The following TSGA10 variants were observed in gnomAD, a reference collection of about 807,000 sequenced individuals.
TSGA10 encodes testis specific 10, also known as testis-specific gene 10 protein.
TSGA10 carries 43 observed loss-of-function variants against 96.6 expected under a neutral mutation model. The ratio of observed to expected loss-of-function variants is 0.44; its 90% CI spans 0.35 to 0.57. The LOEUF (loss-of-function observed/expected upper bound fraction) is 0.57, where lower values mean the gene tolerates loss of function less well. Among genes scored for constraint, TSGA10 ranks in the 20% least tolerant of loss-of-function variants. The pLI, the probability that TSGA10 is intolerant of heterozygous loss-of-function variation, is 0.01. For synonymous variants in TSGA10, 229 were observed against 269.9 expected (o/e 0.85, Z 1.48); for missense variants, 703 against 834.4 (o/e 0.84, Z 1.94).
At chr2:99,081,959 C>T (rs1303209752) in intron 10 of TSGA10, among the ~76,000 whole-genome samples, 2 of 151,894 alleles carry the variant, frequency 1.3e-5, no homozygotes, top group East Asian at 3.9e-4. Context: ...TCCTTAACTA[C>T]CTAGCCTTGT....
At chr2:99,118,388 T>C (rs544977544) in intron 3 of TSGA10, among the ~76,000 whole-genome samples, 163 bp downstream of exon 3, 265 of 149,254 alleles carry the variant, frequency 1.8e-3, no homozygotes, top group Non-Finnish European at 2.9e-3. Flanking sequence ...GAGGCAGAGA[T>C]TGCACTGAGC....
chr2:99,045,444 A>G (rs1339414941), intron 16 of TSGA10, among the ~76,000 whole-genome samples: 1 of 152,238 alleles, frequency 6.6e-6, no homozygotes, highest in Non-Finnish European at 1.5e-5. Context: ...TTCTTAAAGA[A>G]AAGAATTTTC....
Position 99,098,451 on chromosome 2 carries a change from A to AAAAAG in TSGA10, c.611+5511_611+5515dup, listed in dbSNP as rs978448451. On this transcript the variant is annotated intron_variant, in intron 10 of 20. Coordinates refer to ENST00000393483, the MANE Select transcript of TSGA10 (RefSeq NM_025244.4). Reference sequence around the variant, plus strand: ...GAGACTCTGCCTCAAAAAAAAAAAAAAAAAGAAAAGAAAAGAAAAGAAAAA... The same window carrying AAAAAG: ...GAGACTCTGCCTCAAAAAAAAAAAAAAAAAGAAAAGAAAAGAAAAGAAAAGAAAAA... Among the ~76,000 whole-genome samples the AAAAAG allele has an allele frequency of 7.9e-3, 1,006 of 127,728 alleles. 1 individual carries two copies. Among genetic ancestry groups the AAAAAG allele is most frequent in the East Asian group, 0.017 (65 of 3,742 alleles). The allele number at this position is 127,728 out of a possible 152,430, so 83.8% of individuals were successfully genotyped here.
chr2:99,137,430 G>C (rs919212926), intron 1 of TSGA10, among the ~76,000 whole-genome samples: 3 of 152,200 alleles, frequency 2.0e-5, no homozygotes, highest in African/African-American at 7.2e-5. Flanking sequence ...ACAAAGAAGG[G>C]AGTACTAGAT....
chr2:99,112,343 C>G (rs2091891225), intron 4 of TSGA10, among the ~76,000 whole-genome samples: 1 of 152,132 alleles, frequency 6.6e-6, no homozygotes, highest in South Asian at 2.1e-4. Flanking sequence ...AAGGAGCGCT[C>G]ACGTTCTAAG....
intron 20 of TSGA10, among the ~76,000 whole-genome samples, chr2:99,008,100 A>C (rs2078664260): frequency 6.6e-6 from 1 of 152,208 alleles, no homozygotes. Context: ...AAAAATATAC[A>C]AGTACTAAAA....
intron 4 of TSGA10, among the ~76,000 whole-genome samples, chr2:99,115,038 T>C (rs1055281255): frequency 6.6e-6 from 1 of 152,286 alleles, no homozygotes; most frequent in African/African-American, 2.4e-5. Context: ...GCTCAAGCTA[T>C]TCTTGTGCCT....
intron 18 of TSGA10, among the ~76,000 whole-genome samples, chr2:99,019,051 TATTCAACCA>T (rs943810513): frequency 6.6e-6 from 1 of 152,196 alleles, no homozygotes; most frequent in African/African-American, 2.4e-5. Flanking sequence ...TATATATATC[TATTCAACCA>T]AGTGCCTTAT....
intron 16 of TSGA10, among the ~76,000 whole-genome samples, chr2:99,042,040 A>T (rs10179910): frequency 0.043 from 2,479 of 57,848 alleles, 118 homozygotes; most frequent in African/African-American, 0.25. Flanking sequence ...GCCCCCCCAC[A>T]TTTTTTTTTT....
intron 1 of TSGA10, chr2:99,150,527 C>G: frequency 6.3e-6 from 10 of 1,596,598 alleles, no homozygotes; most frequent in Non-Finnish European, 8.5e-6. Flanking sequence ...AAGGTACCTG[C>G]AAATTACTTT....
rs866943072 is a variant in TSGA10 at position 99,018,209 on chromosome 2, G to A, written c.2063C>T (p.Ser688Leu). The A allele has an allele frequency of 6.2e-7, 1 of 1,613,804 alleles. No individual in the cohort carries two copies. Residue 688 changes from serine to leucine, a missense_variant, in exon 20 of 21, where the codon TCA (serine) becomes TTA (leucine). Physicochemically the swap from Ser to Leu is moderately radical, Grantham distance 145. Transcript: ENST00000393483. Reference protein sequence around the residue: ...HRSPDRGLDRSLEENLCYRDF With the variant: ...HRSPDRGLDRLLEENLCYRDF ...CCTTAAATAGACTCACTCTTCTAATGATCGATCTAGGCCTCGGTCAGGAGA... is the reference window on the plus strand; with the variant it reads ...CCTTAAATAGACTCACTCTTCTAATAATCGATCTAGGCCTCGGTCAGGAGA...
At chr2:99,016,525 T>C (rs1320967585) in intron 20 of TSGA10, among the ~76,000 whole-genome samples, 4 of 152,184 alleles carry the variant, frequency 2.6e-5, no homozygotes, top group African/African-American at 7.2e-5. Context: ...ATCTAACATC[T>C]GAAACCATAA....
intron 10 of TSGA10, among the ~76,000 whole-genome samples, chr2:99,090,242 A>T (rs1482688883): frequency 6.6e-6 from 1 of 152,222 alleles, no homozygotes; most frequent in Non-Finnish European, 1.5e-5. Flanking sequence ...GGAGTACCCC[A>T]TGGGACAAAA....
chr2:99,035,042 T>A (rs887337463), intron 17 of TSGA10, among the ~76,000 whole-genome samples, 188 bp downstream of exon 17: 16 of 152,128 alleles, frequency 1.1e-4, no homozygotes, highest in East Asian at 3.9e-4. Context: ...AAAGGAAGAG[T>A]TTCTGTTACA....
At chr2:99,106,445 C>T (rs1427726700) in intron 7 of TSGA10, among the ~76,000 whole-genome samples, 2 of 152,100 alleles carry the variant, frequency 1.3e-5, no homozygotes, top group African/African-American at 4.8e-5. Context: ...TCCACTGGCA[C>T]TTTCTCCCCT....
At chr2:99,150,416 CAAA>C in intron 1 of TSGA10, 1 of 891,468 alleles carries the variant, frequency 1.1e-6, no homozygotes, top group Non-Finnish European at 1.7e-6. Context: ...TTCATTCAAA[CAAA>C]CATTGCCATG....
intron 14 of TSGA10, among the ~76,000 whole-genome samples, chr2:99,070,163 GA>G (rs537458742): frequency 1.8e-4 from 28 of 152,190 alleles, no homozygotes; most frequent in Non-Finnish European, 2.9e-4. Context: ...TACAAAGTTT[GA>G]ACAAGGCAGG....
intron 12 of TSGA10, among the ~76,000 whole-genome samples, chr2:99,074,351 C>CGTGCGTGTGTGTGT (rs2086407744): frequency 6.9e-6 from 1 of 145,038 alleles, no homozygotes. Context: ...CACATATTTG[C>CGTGCGTGTGTGTGT]GTGTGTGTGT....
intron 2 of TSGA10, among the ~76,000 whole-genome samples, chr2:99,119,394 C>G (rs1430438248): frequency 6.6e-6 from 1 of 152,226 alleles, no homozygotes; most frequent in East Asian, 1.9e-4. Context: ...CCTCATGACA[C>G]TGAGAATGAA....
Sources: gnomAD v4.1 joint callset for allele counts (sites outside exome capture counted in the v4.1 genomes callset) on GRCh38, gnomAD v4.1.1 for gene constraint, MANE v1.5 for transcripts, NCBI Gene and HGNC (gene_info 2026-07-23, HGNC 2026-07-21) for gene names.